PRDM10: variants seen among roughly 807,000 people sequenced by gnomAD.
The protein encoded by PRDM10 is PR domain zinc finger protein 10.
A neutral mutation model predicts 133.1 loss-of-function variants in PRDM10; 65 were observed. The ratio of observed to expected loss-of-function variants is 0.49; its 90% CI spans 0.40 to 0.60. The LOEUF (loss-of-function observed/expected upper bound fraction) is 0.60. PRDM10 is among the 20% of genes least tolerant of loss of function. The probability of loss-of-function intolerance (pLI) is 0.00; values close to 1 mark genes in which losing one functional copy is unlikely to be tolerated. For synonymous variants in PRDM10, 582 were observed against 580.4 expected, an observed-to-expected ratio of 1.00 and a Z score of -0.04; for missense variants, 1,137 against 1,507.1, an observed-to-expected ratio of 0.75 and a Z score of 4.07.
At chr11:129,907,315 A>G (rs1003753207) in intron 19 of PRDM10, among the ~76,000 whole-genome samples, 3 of 152,246 alleles carry the variant, frequency 2.0e-5, no homozygotes, top group Non-Finnish European at 4.4e-5. Context: ...CACAGAAATT[A>G]TAACTTAAAA....
intron 1 of PRDM10, among the ~76,000 whole-genome samples, chr11:129,986,183 T>C (rs1302120709): frequency 6.6e-6 from 1 of 152,090 alleles, no homozygotes; most frequent in Non-Finnish European, 1.5e-5. Flanking sequence ...TCACACATAG[T>C]GCTCCCTTGT....
At chr11:129,989,438 TAC>T (rs1459828029) in intron 1 of PRDM10, among the ~76,000 whole-genome samples, 13 of 152,218 alleles carry the variant, frequency 8.5e-5, no homozygotes, top group Non-Finnish European at 1.8e-4. Flanking sequence ...TGGTGGGGGA[TAC>T]AGATACAATG....
intron 1 of PRDM10, among the ~76,000 whole-genome samples, chr11:129,978,863 T>C (rs1011286646): frequency 6.6e-6 from 1 of 152,190 alleles, no homozygotes; most frequent in Non-Finnish European, 1.5e-5. Context: ...GAACTTTTCA[T>C]GTACCAAAAA....
chr11:129,948,575 C>G (rs957476225), intron 4 of PRDM10, among the ~76,000 whole-genome samples: 5 of 152,212 alleles, frequency 3.3e-5, no homozygotes, highest in Non-Finnish European at 5.9e-5. Context: ...CAGCCTGAAT[C>G]ATTCTGAAAT....
intron 18 of PRDM10, among the ~76,000 whole-genome samples, chr11:129,911,099 A>G (rs1484394100): frequency 6.6e-6 from 1 of 152,234 alleles, no homozygotes; most frequent in Admixed American, 6.5e-5. Context: ...ATTAAAAGTA[A>G]TATTTTAAAT....
intron 17 of PRDM10, among the ~76,000 whole-genome samples, chr11:129,913,442 G>C (rs1334854658): frequency 6.6e-6 from 1 of 152,088 alleles, no homozygotes; most frequent in African/African-American, 2.4e-5. Flanking sequence ...GATAGTTCCT[G>C]ACAATAAGCT....
Position 129,914,733 on chromosome 11 carries a change from T to C in PRDM10, c.2812A>G (p.Ile938Val). Residue 938 changes from isoleucine to valine, a missense_variant, in exon 17 of 21, where the codon ATA becomes GTA. Transcript: ENST00000360871. ...SASGLQQPQH[I>V]QLQVVQVASA... ...GCCACTTGAACCACTTGCAGCTGTA[T>C]GTGCTGAGGCTGCTGGAGGCCAGAC... 2 of 1,614,226 alleles carry C rather than the reference T, an allele frequency of 1.2e-6. No homozygotes were observed. Among genetic ancestry groups the C allele is most frequent in the Non-Finnish European group, 8.5e-7 (1 of 1,180,040 alleles).
At chr11:129,974,627 C>T (rs2135954699) in intron 1 of PRDM10, among the ~76,000 whole-genome samples, 2 of 152,280 alleles carry the variant, frequency 1.3e-5, no homozygotes, top group South Asian at 4.1e-4. Flanking sequence ...ATGAGCAAGA[C>T]CTCCTGAGTT....
chr11:129,985,793 AAAAAAAAAAAAAAAAAATATATATAT>A (rs1384360873), intron 1 of PRDM10, among the ~76,000 whole-genome samples: 16 of 121,192 alleles, frequency 1.3e-4, no homozygotes, highest in African/African-American at 5.9e-4. Context: ...AAAAAAAAAA[AAAAAAAAAAAAAAAAAATATATATAT>A]ATATATATAT....
chr11:129,910,788 T>C lies in PRDM10; in HGVS notation c.2983-132A>G, dbSNP rs911221083. On this transcript the variant is annotated intron_variant, in intron 18 of 20. Transcript: ENST00000360871. Reference sequence around the variant, plus strand: ...GAAACTATCGTTGCTATTTTTTTTTTCTTTTGAGATGGAGTTTCACTCTTA... The same window carrying C: ...GAAACTATCGTTGCTATTTTTTTTTCCTTTTGAGATGGAGTTTCACTCTTA... The C allele has an allele frequency of 3.2e-6, 3 of 935,516 alleles. No homozygotes were observed. In the African/African-American group the frequency reaches 5.1e-5, roughly 16 times the overall value. 58.0% of individuals were successfully genotyped at this position (935,516 alleles called of 1,614,324 possible).
intron 13 of PRDM10, among the ~76,000 whole-genome samples, chr11:129,921,686 G>C (rs866401451): frequency 6.6e-6 from 1 of 152,176 alleles, no homozygotes; most frequent in Non-Finnish European, 1.5e-5. Context: ...ACATTTGAAG[G>C]GAGTCTTCTT....
chr11:129,923,193 T>A lies in PRDM10; in HGVS notation c.2034+55A>T. ...AATGAACAGGCATTTACCCTCAGCT[T>A]GCTATAATTCCAGTGGCCACGAGAA... On this transcript the variant is annotated intron_variant, in intron 13 of 20. Coordinates refer to ENST00000360871, the MANE Select transcript of PRDM10 (RefSeq NM_199437.2). The surrounding 1 kb of genome is among the most constrained non-coding windows in gnomAD (Gnocchi z 4.4). 6.7e-7 allele frequency: 1 copy of A among 1,494,348 alleles called. No individual in the cohort carries two copies. Among genetic ancestry groups the A allele is most frequent in the Non-Finnish European group, 9.0e-7 (1 of 1,116,380 alleles). The allele number at this position is 1,494,348 out of a possible 1,614,324, so 92.6% of individuals were successfully genotyped here. A position where few individuals can be genotyped will look rare whatever the true frequency, so the allele number is the denominator to read the frequency against.
In PRDM10 at chr11:129,944,961, G is replaced by T; in HGVS notation, c.572C>A (p.Pro191His). 6.2e-7 allele frequency: 1 copy of T among 1,613,668 alleles called. No individual in the cohort carries two copies. Among genetic ancestry groups the T allele is most frequent in the Non-Finnish European group, 8.5e-7 (1 of 1,179,902 alleles). Residue 191 changes from proline to histidine, a missense_variant, in exon 6 of 21, where the codon CCC (proline) becomes CAC (histidine). By Grantham distance (77) the Pro-to-His change is moderately conservative. Around this residue, in one of 6 missense-constraint regions of PRDM10, gnomAD observed 635 missense variants for 835.2 expected, o/e 0.76. Coordinates refer to ENST00000360871, the MANE Select transcript of PRDM10 (RefSeq NM_199437.2). ...CGGCCGGTTGGGGATCGGGTGCAAG[G>T]GGCCGTGCTTCGGACACACTGAAGC... ...AHASVCPKHGPLHPIPNRPVL... is the reference protein window; with the variant it reads ...AHASVCPKHGHLHPIPNRPVL...
Position 129,971,016 on chromosome 11 carries a change from A to G in PRDM10, c.-118-9934T>C, listed in dbSNP as rs1165511281. Among the ~76,000 whole-genome samples, 4 of 152,172 alleles carry G rather than the reference A, an allele frequency of 2.6e-5. No homozygotes were observed. In the East Asian group the frequency reaches 7.7e-4, roughly 29 times the overall value. ...AAGAATGAAGCCACGTACCCTCGCG[A>G]TGAGTGTTACAGCTCTTAAGGTGGC... On this transcript the variant is annotated intron_variant, in intron 1 of 20. Coordinates refer to ENST00000360871, the MANE Select transcript of PRDM10 (RefSeq NM_199437.2).
intron 7 of PRDM10, among the ~76,000 whole-genome samples, chr11:129,941,983 A>G (rs964859525): frequency 1.3e-5 from 2 of 151,994 alleles, no homozygotes; most frequent in African/African-American, 4.8e-5. Context: ...GCTCTGCGCA[A>G]TCTCCTGGTT....
intron 4 of PRDM10, among the ~76,000 whole-genome samples, chr11:129,952,344 G>A (rs1951602159): frequency 6.6e-6 from 1 of 152,040 alleles, no homozygotes; most frequent in African/African-American, 2.4e-5. Flanking sequence ...GTGGAAATGG[G>A]GCACCCTTGT....
intron 11 of PRDM10, among the ~76,000 whole-genome samples, chr11:129,928,681 C>A (rs1950760273): frequency 6.6e-6 from 1 of 152,190 alleles, no homozygotes; most frequent in Non-Finnish European, 1.5e-5. Context: ...AGGTGTGAGA[C>A]ACTATGCCTG....
intron 1 of PRDM10, among the ~76,000 whole-genome samples, chr11:129,994,524 G>A (rs1053536163): frequency 6.7e-6 from 1 of 149,950 alleles, no homozygotes; most frequent in East Asian, 2.0e-4. Context: ...TGTAACCCCA[G>A]CTACTCGGTT....
At chr11:129,990,772 T>A (rs1416822256) in intron 1 of PRDM10, among the ~76,000 whole-genome samples, 2 of 152,134 alleles carry the variant, frequency 1.3e-5, no homozygotes, top group Non-Finnish European at 2.9e-5. Context: ...TATGCCCGGG[T>A]CCTCACTTTT....
Sources: allele counts gnomAD v4.1 joint callset (sites outside exome capture counted in the v4.1 genomes callset), GRCh38; gene constraint gnomAD v4.1.1; regional missense constraint gnomAD v4.1.1; non-coding constraint Gnocchi (gnomAD v3.1); transcripts MANE v1.5; gene names NCBI Gene and HGNC (gene_info 2026-07-23, HGNC 2026-07-21).